Variants in CYP7B1 observed in about 807,000 individuals in gnomAD.
The protein encoded by CYP7B1 is cytochrome P450 7B1.
CYP7B1 carries 29 observed loss-of-function variants against 42.7 expected under a neutral mutation model. The ratio of observed to expected loss-of-function variants is 0.68; its 90% CI spans 0.51 to 0.93. The LOEUF (loss-of-function observed/expected upper bound fraction) is 0.93, where lower values mean the gene tolerates loss of function less well. Among genes scored for constraint, CYP7B1 ranks in the 40% least tolerant of loss-of-function variants. CYP7B1 has a pLI of 0.00. For synonymous variants in CYP7B1, 235 were observed against 218.2 expected (o/e 1.08, Z -0.68); for missense variants, 655 against 600.5 (o/e 1.09, Z -0.95).
chr8:64,652,551 T>A (rs908057692), intron 1 of CYP7B1, among the ~76,000 whole-genome samples: 2 of 152,100 alleles, frequency 1.3e-5, no homozygotes, highest in Non-Finnish European at 2.9e-5. Context: ...ACATGGAAAT[T>A]AAACAACATG....
At chr8:64,658,703 C>T (rs148925249) in intron 1 of CYP7B1, among the ~76,000 whole-genome samples, 1,896 of 152,228 alleles carry the variant, frequency 0.012, 22 homozygotes, top group Non-Finnish European at 0.021. Context: ...TTAGGTTGTC[C>T]GCCTTCACTA....
chr8:64,735,436 G>A (rs1370493121), intron 1 of CYP7B1, among the ~76,000 whole-genome samples: 1 of 152,090 alleles, frequency 6.6e-6, no homozygotes, highest in Non-Finnish European at 1.5e-5. Flanking sequence ...CACAAGAGAA[G>A]GTGTCTATTT....
chr8:64,619,206 CAT>C (rs947674129), intron 2 of CYP7B1, among the ~76,000 whole-genome samples: 29 of 152,148 alleles, frequency 1.9e-4, no homozygotes, highest in African/African-American at 7.0e-4. Flanking sequence ...TAGGAAAACT[CAT>C]ATACATTCAT....
chr8:64,611,248 G>T lies in CYP7B1; in HGVS notation c.1057+3778C>A, dbSNP rs192155146. 2.6e-3 allele frequency among the ~76,000 whole-genome samples: 394 copies of T among 152,212 alleles called. 4 individuals are homozygous for T. The highest frequency in any genetic ancestry group is 8.8e-3 in the African/African-American group (365 of 41,562). ...GCGTGGTCAGAAAACCTGAGTTAAA[G>T]ACCTGCCTTTCTTCTTAATCACCTC... On this transcript the variant is annotated intron_variant, in intron 4 of 5. Coordinates refer to ENST00000310193, the MANE Select transcript of CYP7B1 (RefSeq NM_004820.5).
In CYP7B1 at chr8:64,685,727, A is replaced by G. The variant is rs1210331345; in HGVS notation, c.123-61188T>C. On this transcript the variant is annotated intron_variant, in intron 1 of 5. Transcript: ENST00000310193. ...CGCCCGGCAGCCACCCCATCTGGGA[A>G]GTGAGGAGCGTCTCCGCCCGGCAGC... Among the ~76,000 whole-genome samples the G allele has an allele frequency of 5.8e-5, 3 of 51,672 alleles. 1 individual carries two copies. The allele number at this position is 51,672 out of a possible 152,430, so 33.9% of individuals were successfully genotyped here.
At position 64,699,921 on chromosome 8, in the gene CYP7B1, G is replaced by A. The variant is rs371174421; in HGVS notation, c.123-75382C>T. 6.6e-5 allele frequency among the ~76,000 whole-genome samples: 10 copies of A among 152,176 alleles called. 1 individual carries two copies. In the East Asian group the frequency reaches 1.2e-3, roughly 18 times the overall value. On this transcript the variant is annotated intron_variant, in intron 1 of 5. Coordinates refer to ENST00000310193, the MANE Select transcript of CYP7B1 (RefSeq NM_004820.5). Reference sequence around the variant, plus strand: ...ATGAAATATGAGTTGCATCAATCTGGAAATGACCACTCTCCCATTTTAATT... The same window carrying A: ...ATGAAATATGAGTTGCATCAATCTGAAAATGACCACTCTCCCATTTTAATT...
At chr8:64,746,755 A>G (rs1318517868) in intron 1 of CYP7B1, among the ~76,000 whole-genome samples, 1 of 152,106 alleles carries the variant, frequency 6.6e-6, no homozygotes, top group Non-Finnish European at 1.5e-5. Flanking sequence ...AGATAACCAA[A>G]CCCAATGTTA....
At chr8:64,722,513 T>A (rs1483561783) in intron 1 of CYP7B1, among the ~76,000 whole-genome samples, 3 of 152,154 alleles carry the variant, frequency 2.0e-5, no homozygotes, top group Non-Finnish European at 4.4e-5. Context: ...AAATCTAACA[T>A]AATTTTAATG....
chr8:64,711,497 T>C (rs960927069), intron 1 of CYP7B1, among the ~76,000 whole-genome samples: 1 of 152,194 alleles, frequency 6.6e-6, no homozygotes, highest in Non-Finnish European at 1.5e-5. Context: ...TTTTGTCATC[T>C]GTCACTCTCT....
intron 1 of CYP7B1, among the ~76,000 whole-genome samples, chr8:64,709,706 G>A (rs556050640): frequency 3.3e-5 from 5 of 152,190 alleles, no homozygotes; most frequent in South Asian, 4.2e-4. Context: ...TGTTACAAGC[G>A]CCAGAAAAAG....
intron 1 of CYP7B1, among the ~76,000 whole-genome samples, chr8:64,629,324 C>T (rs140029701): frequency 9.7e-4 from 147 of 151,716 alleles, no homozygotes; most frequent in African/African-American, 3.3e-3. Context: ...TCATTCTAGG[C>T]TAGGCGTTCA....
At chr8:64,624,352 AC>A in intron 2 of CYP7B1, 50 bp downstream of exon 2, 1 of 1,558,598 alleles carries the variant, frequency 6.4e-7, no homozygotes, top group East Asian at 2.2e-5. Context: ...ACATTAAAGA[AC>A]AAGTGAAAAA....
intron 1 of CYP7B1, among the ~76,000 whole-genome samples, chr8:64,760,373 A>T (rs531765514): frequency 1.6e-4 from 24 of 152,282 alleles, no homozygotes; most frequent in African/African-American, 5.8e-4. Flanking sequence ...ACTACATCAA[A>T]CTAAAAAGCT....
intron 1 of CYP7B1, among the ~76,000 whole-genome samples, chr8:64,708,442 C>T (rs1301777780): frequency 6.6e-6 from 1 of 152,082 alleles, no homozygotes; most frequent in African/African-American, 2.4e-5. Context: ...TAAACAAAAT[C>T]CTTAAGGAAA....
intron 1 of CYP7B1, among the ~76,000 whole-genome samples, chr8:64,788,589 C>T (rs62521150): frequency 0.11 from 16,116 of 152,156 alleles, 1,137 homozygotes; most frequent in Non-Finnish European, 0.16. Flanking sequence ...TGCCATGCAC[C>T]CACAGTTGCC....
chr8:64,615,912 C>T lies in CYP7B1; in HGVS notation c.629G>A (p.Ser210Asn), dbSNP rs886044713. The T allele has an allele frequency of 5.6e-6, 9 of 1,613,442 alleles. No individual in the cohort carries two copies. The African/African-American group carries it at 9.3e-5, about 17-fold the overall frequency. The change falls in exon 3 of 6, where the codon AGT (serine) becomes AAT (asparagine). Residue 210 changes from serine to asparagine, a missense_variant. Transcript: ENST00000310193. ...VIVCDNNKFI[S>N]ELRDDFLKFD... ...TTTTAAAAAATCATCTCTTAGCTCA[C>T]TAATAAATTTGTTGTTGTCACAAAC...
chr8:64,606,357 T>C (rs1370784417), intron 4 of CYP7B1, among the ~76,000 whole-genome samples: 7 of 152,236 alleles, frequency 4.6e-5, no homozygotes, highest in Non-Finnish European at 1.5e-5. Context: ...CGGCCTCCCA[T>C]GTACTGCTGC....
chr8:64,620,272 A>G, intron 2 of CYP7B1, among the ~76,000 whole-genome samples: 1 of 152,220 alleles, frequency 6.6e-6, no homozygotes, highest in East Asian at 1.9e-4. Context: ...TTACAATAGA[A>G]GTTTTTAATC....
chr8:64,615,424 G>A (rs562809440), intron 3 of CYP7B1, among the ~76,000 whole-genome samples, 192 bp from the exon 4 acceptor site: 3 of 145,308 alleles, frequency 2.1e-5, no homozygotes, highest in Admixed American at 6.9e-5. Flanking sequence ...GTATGGGGGG[G>A]GCGGTGTGGT....
Sources: gnomAD v4.1 joint callset for allele counts (sites outside exome capture counted in the v4.1 genomes callset) on GRCh38, gnomAD v4.1.1 for gene constraint, MANE v1.5 for transcripts, NCBI Gene and HGNC (gene_info 2026-07-23, HGNC 2026-07-21) for gene names.